Variants in TCTN2 observed in about 807,000 individuals in gnomAD.
The protein encoded by TCTN2 is tectonic-2.
In TCTN2, 66 loss-of-function variants were observed where a neutral mutation model predicts 83.4. The observed-to-expected ratio is 0.79, with a 90% CI of 0.65 to 0.97. The LOEUF (loss-of-function observed/expected upper bound fraction) is 0.97. Ranked by LOEUF, TCTN2 falls within the 50% of genes least tolerant of loss-of-function variation. The pLI, the probability that TCTN2 is intolerant of heterozygous loss-of-function variation, is 0.00. For missense variants in TCTN2, 794 were observed against 858.1 expected (o/e 0.93, Z 0.93); for synonymous variants, 301 against 326.7 (o/e 0.92, Z 0.85).
At position 123,704,004 on chromosome 12, in the gene TCTN2, CTTTTT is replaced by C. The variant is rs11348520; in HGVS notation, c.1613-511_1613-507del. ...AGTGACTGGCTAACATACAAGGAAACTTTTTTTTTTTTTTTTTTTTTGAGACAGAG... is the reference window on the plus strand; with the variant it reads ...AGTGACTGGCTAACATACAAGGAAACTTTTTTTTTTTTTTTTGAGACAGAG... On this transcript the variant is annotated intron_variant, in intron 14 of 17. Coordinates refer to ENST00000303372, the MANE Select transcript of TCTN2 (RefSeq NM_024809.5). Among the ~76,000 whole-genome samples, 14 of 110,184 alleles carry C rather than the reference CTTTTT, an allele frequency of 1.3e-4. No homozygotes were observed. The East Asian group carries it at 2.8e-3, about 22-fold the overall frequency. 72.3% of individuals were successfully genotyped at this position (110,184 alleles called of 152,430 possible).
intron 11 of TCTN2, 48 bp from the exon 12 acceptor site, chr12:123,696,367 G>A (rs184881442): frequency 6.8e-7 from 1 of 1,464,552 alleles, no homozygotes; most frequent in Non-Finnish European, 9.6e-7. Context: ...GTTAGGGCTT[G>A]CTATGCTGGA....
In TCTN2 at chr12:123,707,905, C is replaced by A. The variant is rs996359196; in HGVS notation, c.*192C>A. On this transcript the variant is annotated 3_prime_UTR_variant, in exon 18 of 18. Coordinates refer to ENST00000303372, the MANE Select transcript of TCTN2 (RefSeq NM_024809.5). ...TTGTATTTTTAGTAGAGACAGGGTT[C>A]CACCGTATTGGCCAGGCTGCTCTCG... 6.8e-6 allele frequency: 4 copies of A among 586,762 alleles called. No individual in the cohort carries two copies. The highest frequency in any genetic ancestry group is 2.5e-5 in the Admixed American group (1 of 39,938). The allele number at this position is 586,762 out of a possible 1,614,324, so 36.3% of individuals were successfully genotyped here. A position where few individuals can be genotyped will look rare whatever the true frequency, so the allele number is the denominator to read the frequency against.
intron 4 of TCTN2, among the ~76,000 whole-genome samples, chr12:123,677,279 TCTC>T (rs1955835253): frequency 6.6e-6 from 1 of 152,210 alleles, no homozygotes; most frequent in Non-Finnish European, 1.5e-5. Flanking sequence ...ATGTGGACCT[TCTC>T]CTTGTTCCGG....
In TCTN2 at chr12:123,707,032, G is replaced by A. The variant is rs1416538492; in HGVS notation, c.1943G>A (p.Cys648Tyr). The A allele has an allele frequency of 6.2e-7, 1 of 1,613,908 alleles. No homozygotes were observed. The part of the protein sequence containing the change: ...TEYDCNRNEV[C>Y]WPQLLYPWTQ... ...TATGACTGCAACAGAAATGAGGTGT[G>A]TTGGCCGCAGCTTCTATATCCATGG... Residue 648 changes from cysteine (C) to tyrosine (Y), a missense_variant, in exon 17 of 18, where the codon TGT becomes TAT. Physicochemically the swap from Cys to Tyr is radical, Grantham distance 194. Coordinates refer to ENST00000303372, the MANE Select transcript of TCTN2 (RefSeq NM_024809.5).
In TCTN2 at chr12:123,671,514, C is replaced by A; in HGVS notation, c.90C>A (p.Ile30=). 2 of 1,614,138 alleles carry A rather than the reference C, an allele frequency of 1.2e-6. No homozygotes were observed. The highest frequency in any genetic ancestry group is 2.2e-5 in the South Asian group (2 of 91,084). Residue 30 remains isoleucine (I), a synonymous_variant, in exon 2 of 18, where the codon ATC becomes ATA. Coordinates refer to ENST00000303372, the MANE Select transcript of TCTN2 (RefSeq NM_024809.5). ...CCTTTCCTTCCCGCCTAGCTTTCAT[C>A]CCTCCTTTTATCCGAATGTCCGGCC... The part of the protein sequence containing the change: ...LRLLWGDLAF[I]PPFIRMSGPA...
intron 4 of TCTN2, 106 bp downstream of exon 4, chr12:123,673,916 C>G: frequency 9.4e-7 from 1 of 1,063,888 alleles, no homozygotes; most frequent in Non-Finnish European, 1.4e-6. Flanking sequence ...TATAAATGAG[C>G]TGCCCGGGAG....
At chr12:123,693,101 A>C (rs1956064970) in intron 9 of TCTN2, among the ~76,000 whole-genome samples, 1 of 128,122 alleles carries the variant, frequency 7.8e-6, no homozygotes, top group Non-Finnish European at 1.5e-5. Context: ...ATCTCGGCTC[A>C]CTGCAACCTC....
intron 8 of TCTN2, among the ~76,000 whole-genome samples, chr12:123,691,220 C>G (rs1956037079): frequency 6.6e-6 from 1 of 152,168 alleles, no homozygotes; most frequent in Non-Finnish European, 1.5e-5. Flanking sequence ...ACCTTCCACA[C>G]TGTTGTGCCA....
At position 123,687,042 on chromosome 12, in the gene TCTN2, G is replaced by C; in HGVS notation, c.764+7G>C. 6.2e-7 allele frequency: 1 copy of C among 1,614,134 alleles called. No homozygotes were observed. The highest frequency in any genetic ancestry group is 1.1e-5 in the South Asian group (1 of 91,088). On this transcript the variant is annotated splice_region_variant and intron_variant, in intron 6 of 17. Coordinates refer to ENST00000303372, the MANE Select transcript of TCTN2 (RefSeq NM_024809.5). The stretch of plus-strand genomic sequence containing the variant: ...ACTTCTATCATGGTGCTGTGTAAGT[G>C]TCTGAGCAGCCGCCTGGGATGGGGC...
At chr12:123,703,847 G>A (rs374554627) in intron 14 of TCTN2, among the ~76,000 whole-genome samples, 56 of 152,226 alleles carry the variant, frequency 3.7e-4, no homozygotes, top group Admixed American at 6.5e-4. Context: ...AACTGTGACT[G>A]CATGGAATAA....
At chr12:123,671,407 G>C in intron 1 of TCTN2, 85 bp downstream of exon 1, 1 of 1,588,412 alleles carries the variant, frequency 6.3e-7, no homozygotes, top group East Asian at 2.2e-5. Flanking sequence ...TCCCCCGGGA[G>C]CTTCGGGAGT....
chr12:123,692,202 C>A (rs1443311202), intron 8 of TCTN2, among the ~76,000 whole-genome samples: 3 of 152,116 alleles, frequency 2.0e-5, no homozygotes, highest in Non-Finnish European at 4.4e-5. Flanking sequence ...TGAGCCACCA[C>A]GCCCGGCTAA....
intron 5 of TCTN2, among the ~76,000 whole-genome samples, chr12:123,684,188 T>A (rs912824095): frequency 9.9e-5 from 15 of 152,138 alleles, no homozygotes; most frequent in South Asian, 6.2e-4. Flanking sequence ...TACACACCCA[T>A]GAGCTCATCC....
chr12:123,679,042 C>A (rs1027807635), intron 4 of TCTN2, 147 bp from the exon 5 acceptor site: 14 of 671,692 alleles, frequency 2.1e-5, no homozygotes, highest in Non-Finnish European at 3.3e-5. Flanking sequence ...CATGATCCAC[C>A]TGCCTTGGCC....
Position 123,671,583 on chromosome 12 carries a change from C to G in TCTN2, c.159C>G (p.Thr53=). The change falls in exon 2 of 18, where the codon ACC becomes ACG. Residue 53 remains threonine (T), a synonymous_variant. Transcript: ENST00000303372. Reference sequence around the variant, plus strand: ...TGGTCGGAGACACCGAGGGTGTGACCGTGTCCCTGGCAGTGCTGCAGGACG... The same window carrying G: ...TGGTCGGAGACACCGAGGGTGTGACGGTGTCCCTGGCAGTGCTGCAGGACG... ...ASLVGDTEGV[T]VSLAVLQDEA... The G allele has an allele frequency of 6.2e-7, 1 of 1,613,702 alleles. No individual in the cohort carries two copies.
chr12:123,703,312 G>C (rs749796582), intron 14 of TCTN2, among the ~76,000 whole-genome samples: 1 of 151,628 alleles, frequency 6.6e-6, no homozygotes, highest in East Asian at 1.9e-4. Flanking sequence ...CTCCCAAGTA[G>C]CTGGGATTAC....
chr12:123,687,150 C>T (rs1488367107), intron 6 of TCTN2, 115 bp downstream of exon 6: 1 of 1,214,012 alleles, frequency 8.2e-7, no homozygotes, highest in African/African-American at 1.5e-5. Context: ...TCCAGAGGTT[C>T]CGTGCCTAAA....
At chr12:123,699,673 A>G (rs753232361) in intron 13 of TCTN2, 31 bp from the exon 14 acceptor site, 4 of 1,554,868 alleles carry the variant, frequency 2.6e-6, no homozygotes, top group Middle Eastern at 1.7e-4. Context: ...CCTGCTGGCC[A>G]TGAGCTGAGA....
chr12:123,706,939 A>G (rs1956237120), intron 16 of TCTN2, 46 bp from the exon 17 acceptor site: 1 of 1,613,566 alleles, frequency 6.2e-7, no homozygotes, highest in Middle Eastern at 1.6e-4. Flanking sequence ...TCAAGTTCTG[A>G]TACTTCTCAC....
Sources: allele counts gnomAD v4.1 joint callset (sites outside exome capture counted in the v4.1 genomes callset), GRCh38; gene constraint gnomAD v4.1.1; transcripts MANE v1.5; gene names NCBI Gene and HGNC (gene_info 2026-07-23, HGNC 2026-07-21).